DCDC1: variants seen among roughly 807,000 people sequenced by gnomAD.
The protein encoded by DCDC1 is doublecortin domain containing 1.
DCDC1 carries 200 observed loss-of-function variants against 178.3 expected under a neutral mutation model. The observed-to-expected ratio is 1.12, with a 90% CI of 1.00 to 1.26. DCDC1 has a LOEUF of 1.26. Among genes scored for constraint, DCDC1 ranks in the 50% most tolerant of loss-of-function variants. DCDC1 has a pLI of 0.00. For synonymous variants in DCDC1, 690 were observed against 604.8 expected, an observed-to-expected ratio of 1.14 and a Z score of -2.07; for missense variants, 1,983 against 1,749.2, an observed-to-expected ratio of 1.13 and a Z score of -2.38.
intron 9 of DCDC1, among the ~76,000 whole-genome samples, chr11:31,159,938 T>A (rs1025312552): frequency 6.6e-6 from 1 of 152,228 alleles, no homozygotes; most frequent in Non-Finnish European, 1.5e-5. Context: ...TCAGCTGCCA[T>A]TCTTAATAAT....
chr11:31,118,764 C>T (rs1201495479), intron 11 of DCDC1, among the ~76,000 whole-genome samples: 1 of 152,186 alleles, frequency 6.6e-6, no homozygotes, highest in Admixed American at 6.5e-5. Context: ...CCGCTGACTG[C>T]CCACCTGGCA....
In DCDC1 at chr11:31,269,481, C is replaced by G. The variant is rs116617407; in HGVS notation, c.961-3881G>C. ...CATTGCATCCTCAACTTCCCAGGCTCAGGCAATCCTACTAGGTCTTCAGCC... is the reference window on the plus strand; with the variant it reads ...CATTGCATCCTCAACTTCCCAGGCTGAGGCAATCCTACTAGGTCTTCAGCC... On this transcript the variant is annotated intron_variant, in intron 7 of 38. Coordinates refer to ENST00000684477, the MANE Select transcript of DCDC1 (RefSeq NM_001387274.1). Among the ~76,000 whole-genome samples the G allele has an allele frequency of 3.6e-3, 547 of 151,886 alleles. 1 individual carries two copies. The highest frequency in any genetic ancestry group is 0.013 in the African/African-American group (528 of 41,408).
chr11:31,247,616 C>T (rs1352169814), intron 8 of DCDC1, among the ~76,000 whole-genome samples: 1 of 151,852 alleles, frequency 6.6e-6, no homozygotes, highest in Admixed American at 6.6e-5. Flanking sequence ...TGAATAGGGC[C>T]CATTTGCAGG....
intron 9 of DCDC1, among the ~76,000 whole-genome samples, chr11:31,225,502 C>T (rs993115191): frequency 4.6e-5 from 7 of 151,018 alleles, no homozygotes; most frequent in Non-Finnish European, 8.9e-5. Flanking sequence ...GCTACCTTTT[C>T]CCCAAAAAAC....
chr11:31,313,548 T>G (rs1948888057), intron 3 of DCDC1, among the ~76,000 whole-genome samples: 1 of 152,094 alleles, frequency 6.6e-6, no homozygotes, highest in Non-Finnish European at 1.5e-5. Flanking sequence ...TTATATACAT[T>G]TTACATTATA....
At chr11:31,284,956 G>T (rs1392666140) in intron 7 of DCDC1, among the ~76,000 whole-genome samples, 1 of 151,986 alleles carries the variant, frequency 6.6e-6, no homozygotes, top group East Asian at 1.9e-4. Flanking sequence ...TGTCTTAACT[G>T]CTCCTAAATA....
chr11:31,173,895 T>A (rs1298029449), intron 9 of DCDC1, among the ~76,000 whole-genome samples: 1 of 152,160 alleles, frequency 6.6e-6, no homozygotes, highest in Non-Finnish European at 1.5e-5. Context: ...TCTGTCTAAA[T>A]GATGAGAGTG....
chr11:31,299,027 C>T (rs534284031), intron 6 of DCDC1, among the ~76,000 whole-genome samples: 3 of 152,102 alleles, frequency 2.0e-5, no homozygotes, highest in Non-Finnish European at 4.4e-5. Flanking sequence ...ACAAATGCTC[C>T]GACAGTAAGA....
At chr11:31,096,760 T>C (rs1422994590) in intron 15 of DCDC1, among the ~76,000 whole-genome samples, 1 of 152,056 alleles carries the variant, frequency 6.6e-6, no homozygotes, top group Admixed American at 6.6e-5. Context: ...ACAATGGCCA[T>C]TACATTTTTC....
intron 20 of DCDC1, among the ~76,000 whole-genome samples, chr11:31,032,564 A>T (rs1342396418): frequency 6.6e-6 from 1 of 152,158 alleles, no homozygotes; most frequent in Non-Finnish European, 1.5e-5. Context: ...AGTAAAAAAA[A>T]AAAATTGTAG....
At chr11:31,277,368 A>G (rs1250439790) in intron 7 of DCDC1, among the ~76,000 whole-genome samples, 1 of 152,142 alleles carries the variant, frequency 6.6e-6, no homozygotes, top group African/African-American at 2.4e-5. Context: ...CTAATTGCAA[A>G]TAAAACAACT....
chr11:31,187,759 T>C (rs972964393), intron 9 of DCDC1, among the ~76,000 whole-genome samples: 1 of 152,152 alleles, frequency 6.6e-6, no homozygotes, highest in Admixed American at 6.5e-5. Context: ...TCCAACAATA[T>C]TTGTTTCATT....
intron 9 of DCDC1, among the ~76,000 whole-genome samples, chr11:31,178,412 C>T (rs1285574930): frequency 6.6e-6 from 1 of 152,138 alleles, no homozygotes; most frequent in African/African-American, 2.4e-5. Context: ...AAATGTAAAG[C>T]CTGAAACTAC....
chr11:30,988,296 A>G (rs2134886393), intron 20 of DCDC1, among the ~76,000 whole-genome samples: 2 of 152,324 alleles, frequency 1.3e-5, no homozygotes, highest in South Asian at 4.1e-4. Flanking sequence ...GGACAAACTC[A>G]AGATGTAGGC....
chr11:31,369,047 T>C (rs1209990208), intron 1 of DCDC1, among the ~76,000 whole-genome samples: 2 of 152,154 alleles, frequency 1.3e-5, no homozygotes, highest in Non-Finnish European at 2.9e-5. Context: ...TTCATTCTGC[T>C]TTTTTCTGTA....
chr11:31,113,799 T>G (rs970476823), intron 11 of DCDC1, among the ~76,000 whole-genome samples: 1 of 152,166 alleles, frequency 6.6e-6, no homozygotes, highest in African/African-American at 2.4e-5. Context: ...AAAAAATTAT[T>G]CTTGATTAGA....
chr11:31,137,714 TC>T lies in DCDC1; in HGVS notation c.1291del (p.Glu431AsnfsTer9), dbSNP rs1483912573. 5.7e-6 allele frequency: 4 copies of T among 702,722 alleles called. No homozygotes were observed. Among genetic ancestry groups the T allele is most frequent in the African/African-American group, 1.7e-5 (1 of 57,256 alleles). 43.5% of individuals were successfully genotyped at this position (702,722 alleles called of 1,614,324 possible). On this transcript the variant is annotated frameshift_variant, in exon 10 of 39. Coordinates refer to ENST00000684477, the MANE Select transcript of DCDC1 (RefSeq NM_001387274.1). LOFTEE classifies it high-confidence loss of function. ...TACTTCTTCCTGTTCCTTATGGTGT[TC>T]CTTTGCCGTCATTGAAAGAATGACT... ...EKVILSMTAK[E>X]HHKEQEEVSR...
chr11:30,938,962 TTCTTTTA>T (rs1246711087), intron 21 of DCDC1, among the ~76,000 whole-genome samples: 1 of 152,088 alleles, frequency 6.6e-6, no homozygotes, highest in African/African-American at 2.4e-5. Context: ...TATTGGAGGT[TTCTTTTA>T]CACCCTGTGA....
At chr11:30,965,219 G>A (rs1312837165) in intron 20 of DCDC1, among the ~76,000 whole-genome samples, 3 of 152,214 alleles carry the variant, frequency 2.0e-5, no homozygotes, top group Non-Finnish European at 4.4e-5. Flanking sequence ...AATAGGCAGT[G>A]AATCATCCAA....
Sources: allele counts gnomAD v4.1 joint callset (sites outside exome capture counted in the v4.1 genomes callset), GRCh38; gene constraint gnomAD v4.1.1; transcripts MANE v1.5; gene names NCBI Gene and HGNC (gene_info 2026-07-23, HGNC 2026-07-21).